INTS13: variants seen among roughly 807,000 people sequenced by gnomAD.
INTS13 encodes the protein asunder, spermatogenesis regulator homolog (Drosphila).
A neutral mutation model predicts 90.2 loss-of-function variants in INTS13; 35 were observed. The observed-to-expected ratio is 0.39, with a 90% confidence interval of 0.30 to 0.51. INTS13 has a LOEUF of 0.51. Ranked by LOEUF, INTS13 falls within the 20% of genes least tolerant of loss-of-function variation. The pLI, the probability that INTS13 is intolerant of heterozygous loss-of-function variation, is 0.80. For missense variants in INTS13, 601 were observed against 851.2 expected, an observed-to-expected ratio of 0.71 and a Z score of 3.66; for synonymous variants, 309 against 277.1, an observed-to-expected ratio of 1.11 and a Z score of -1.14.
intron 3 of INTS13, among the ~76,000 whole-genome samples, chr12:26,929,328 T>C (rs1938060643): frequency 6.6e-6 from 1 of 152,146 alleles, no homozygotes; most frequent in Non-Finnish European, 1.5e-5. Flanking sequence ...ATTGGATGAA[T>C]TCTCCCTACT....
chr12:26,915,925 T>C, intron 11 of INTS13, 77 bp downstream of exon 11: 1 of 1,093,612 alleles, frequency 9.1e-7, no homozygotes, highest in Admixed American at 2.6e-5. Flanking sequence ...GACCTTAGCA[T>C]TTAACGAGCA....
chr12:26,938,243 C>G (rs1199868174), upstream of INTS13: 5 of 152,482 alleles, frequency 3.3e-5, no homozygotes, highest in Admixed American at 1.3e-4. Flanking sequence ...CCAACCACGG[C>G]CCCCTAAGCG....
At chr12:26,917,536 G>T in intron 9 of INTS13, 95 bp from the exon 10 acceptor site, 1 of 1,227,544 alleles carries the variant, frequency 8.1e-7, no homozygotes, top group Non-Finnish European at 1.2e-6. Context: ...AGTTCATTGA[G>T]TCCTGAAACA....
In INTS13 at chr12:26,916,197, T is replaced by C; in HGVS notation, c.1070-17A>G. On this transcript the variant is annotated splice_polypyrimidine_tract_variant and intron_variant, in intron 10 of 16. Transcript: ENST00000261191. ...CAGAACGACCTGTCAAAAACAAGAT[T>C]ACACTATCAGTAATGAAACTCAAAT... The C allele has an allele frequency of 6.3e-7, 1 of 1,592,244 alleles. No individual in the cohort carries two copies. The highest frequency in any genetic ancestry group is 8.5e-7 in the Non-Finnish European group (1 of 1,169,890).
intron 3 of INTS13, 22 bp downstream of exon 3, chr12:26,934,534 A>G (rs763450286): frequency 1.3e-6 from 2 of 1,544,072 alleles, no homozygotes; most frequent in Non-Finnish European, 1.8e-6. Flanking sequence ...ACAAATGGCC[A>G]CAGCTCAAAA....
chr12:26,905,338 A>T lies in INTS13; in HGVS notation c.*159T>A. ...AATGTATATTTTTGAATTATGTGCC[A>T]ATTTTATAATTAGTACAAAAATGAC... On this transcript the variant is annotated 3_prime_UTR_variant, in exon 17 of 17. Transcript: ENST00000261191. 2 of 620,102 alleles carry T rather than the reference A, an allele frequency of 3.2e-6. No homozygotes were observed. The highest frequency in any genetic ancestry group is 2.7e-6 in the Non-Finnish European group (1 of 370,846). The allele number at this position is 620,102 out of a possible 1,614,324, so 38.4% of individuals were successfully genotyped here. A position where few individuals can be genotyped will look rare whatever the true frequency, so the allele number is the denominator to read the frequency against.
intron 8 of INTS13, among the ~76,000 whole-genome samples, chr12:26,919,282 T>G (rs527401119): frequency 2.5e-4 from 38 of 152,188 alleles, no homozygotes; most frequent in Non-Finnish European, 4.7e-4. Context: ...TGAAAAATAT[T>G]AGATCTGTGT....
rs1364582391 is a variant in INTS13 at position 26,905,451 on chromosome 12, C to A, written c.*46G>T. 3.8e-6 allele frequency: 6 copies of A among 1,581,138 alleles called. No homozygotes were observed. In the South Asian group the frequency reaches 6.8e-5, roughly 18 times the overall value. On this transcript the variant is annotated 3_prime_UTR_variant, in exon 17 of 17. Coordinates refer to ENST00000261191, the MANE Select transcript of INTS13 (RefSeq NM_018164.3). ...AAAAGTACTTATATCGAATTCCGCA[C>A]AAAATATTTTTGCAATATGCTAAAT...
intron 7 of INTS13, 46 bp from the exon 8 acceptor site, chr12:26,922,746 C>A: frequency 2.5e-6 from 3 of 1,222,944 alleles, no homozygotes; most frequent in South Asian, 1.5e-5. Flanking sequence ...GTTTTGCTTT[C>A]AAAATAATAA....
intron 3 of INTS13, among the ~76,000 whole-genome samples, chr12:26,933,258 A>G (rs957623539): frequency 2.0e-5 from 3 of 152,176 alleles, no homozygotes; most frequent in Non-Finnish European, 4.4e-5. Context: ...CCAGGAATGG[A>G]TATTCCTGAA....
At chr12:26,906,174 T>A in intron 16 of INTS13, 128 bp downstream of exon 16, 1 of 893,746 alleles carries the variant, frequency 1.1e-6, no homozygotes, top group Non-Finnish European at 1.7e-6. Flanking sequence ...TTTTTCTGCT[T>A]ATGGGGAACA....
At chr12:26,920,204 A>T (rs11048772) in intron 8 of INTS13, among the ~76,000 whole-genome samples, 1 of 151,818 alleles carries the variant, frequency 6.6e-6, no homozygotes, top group Non-Finnish European at 1.5e-5. Flanking sequence ...ACCTAGCTAC[A>T]CTGTTACCAC....
chr12:26,920,332 G>A (rs1320609096), intron 8 of INTS13, among the ~76,000 whole-genome samples: 1 of 151,948 alleles, frequency 6.6e-6, no homozygotes, highest in Non-Finnish European at 1.5e-5. Flanking sequence ...CACATGTAAT[G>A]CATATAACTA....
intron 8 of INTS13, among the ~76,000 whole-genome samples, chr12:26,920,455 G>A (rs529797720): frequency 2.6e-4 from 40 of 151,024 alleles, no homozygotes; most frequent in African/African-American, 9.5e-4. Context: ...CTGGAGTGCA[G>A]TGGCATGATC....
At chr12:26,917,517 T>G in intron 9 of INTS13, 76 bp from the exon 10 acceptor site, 1 of 1,245,068 alleles carries the variant, frequency 8.0e-7, no homozygotes, top group Non-Finnish European at 1.1e-6. Flanking sequence ...AAAAAAAACT[T>G]CTTCACTGAG....
intron 11 of INTS13, among the ~76,000 whole-genome samples, 190 bp from the exon 12 acceptor site, chr12:26,914,768 T>C (rs1383028777): frequency 6.6e-5 from 10 of 152,218 alleles, no homozygotes; most frequent in African/African-American, 2.4e-4. Context: ...CTTTATATGA[T>C]GAAAATGAAG....
At position 26,936,690 on chromosome 12, in the gene INTS13, G is replaced by C; in HGVS notation, c.114C>G (p.Thr38=). The stretch of plus-strand genomic sequence containing the variant: ...TGGGGGCCAAAGGAATGATTCCTTG[G>C]GTTCTATTCTTCACCAGCATATCAA... ...VEFDMLVKNR[T]QGIIPLAPIS... Residue 38 remains threonine, a synonymous_variant, in exon 2 of 17, where the codon ACC becomes ACG. Transcript: ENST00000261191. 2 of 1,613,824 alleles carry C rather than the reference G, an allele frequency of 1.2e-6. No individual in the cohort carries two copies. Among genetic ancestry groups the C allele is most frequent in the Non-Finnish European group, 1.7e-6 (2 of 1,179,788 alleles).
chr12:26,917,345 A>G lies in INTS13; in HGVS notation c.1069+7T>C. The G allele has an allele frequency of 8.1e-7, 1 of 1,235,984 alleles. No individual in the cohort carries two copies. 76.6% of individuals were successfully genotyped at this position (1,235,984 alleles called of 1,614,324 possible). On this transcript the variant is annotated splice_region_variant and intron_variant, in intron 10 of 16. Coordinates refer to ENST00000261191, the MANE Select transcript of INTS13 (RefSeq NM_018164.3). ...TTCAGTCAAAACCATTAAATAATTA[A>G]AGTTACCATTTAGAAGAAAATTAGT...
intron 14 of INTS13, 35 bp downstream of exon 14, chr12:26,913,422 G>A: frequency 6.6e-7 from 1 of 1,512,660 alleles, no homozygotes; most frequent in Non-Finnish European, 9.2e-7. Flanking sequence ...TATAACAAAA[G>A]GCACCATGGT....
Sources: gnomAD v4.1 joint callset for allele counts (sites outside exome capture counted in the v4.1 genomes callset) on GRCh38, gnomAD v4.1.1 for gene constraint, MANE v1.5 for transcripts, NCBI Gene and HGNC (gene_info 2026-07-23, HGNC 2026-07-21) for gene names.